The following ERGIC3 variants were observed in gnomAD, a reference collection of about 807,000 sequenced individuals.
ERGIC3 encodes the protein ERGIC and golgi 3, also known as endoplasmic reticulum-Golgi intermediate compartment protein 3.
ERGIC3 carries 33 observed loss-of-function variants against 54.7 expected under a neutral mutation model. The ratio of observed to expected loss-of-function variants is 0.60; its 90% confidence interval spans 0.46 to 0.81. The LOEUF is 0.81. Ranked by LOEUF, ERGIC3 falls within the 30% of genes least tolerant of loss-of-function variation. The probability of loss-of-function intolerance (pLI) is 0.00; values close to 1 mark genes in which losing one functional copy is unlikely to be tolerated. For synonymous variants in ERGIC3, 186 were observed against 189.8 expected (o/e 0.98, Z 0.16); for missense variants, 399 against 488.4 (o/e 0.82, Z 1.73).
chr20:35,545,685 G>A (rs1275076211), intron 4 of ERGIC3, among the ~76,000 whole-genome samples: 1 of 152,166 alleles, frequency 6.6e-6, no homozygotes, highest in African/African-American at 2.4e-5. Context: ...TTGTGGGAGA[G>A]GACTACATAA....
At chr20:35,544,602 C>T in intron 4 of ERGIC3, 1 of 264,160 alleles carries the variant, frequency 3.8e-6, no homozygotes, top group Non-Finnish European at 8.0e-6. Flanking sequence ...CGGGGCGAAA[C>T]CACACACCTC....
chr20:35,552,042 C>T (rs961838222), intron 7 of ERGIC3, among the ~76,000 whole-genome samples: 5 of 152,182 alleles, frequency 3.3e-5, no homozygotes, highest in East Asian at 1.9e-4. Flanking sequence ...GCTCCAGAGA[C>T]GAGACAGTGA....
In ERGIC3 at chr20:35,557,416, C is replaced by T. The variant is rs1378195635; in HGVS notation, c.1073-9C>T. 3.1e-6 allele frequency: 5 copies of T among 1,613,980 alleles called. No individual in the cohort carries two copies. The highest frequency in any genetic ancestry group is 1.7e-5 in the Admixed American group (1 of 60,024). On this transcript the variant is annotated splice_polypyrimidine_tract_variant and intron_variant, in intron 12 of 12. Coordinates refer to ENST00000348547, the MANE Select transcript of ERGIC3 (RefSeq NM_015966.3). Reference sequence around the variant, plus strand: ...ACTGGGCCAGTGCCAGCCCTTGTCTCTCTCCCAGTGGCTGGACTCATCGAT... The same window carrying T: ...ACTGGGCCAGTGCCAGCCCTTGTCTTTCTCCCAGTGGCTGGACTCATCGAT...
chr20:35,555,105 AG>A, intron 8 of ERGIC3, 30 bp downstream of exon 8: 1 of 596,660 alleles, frequency 1.7e-6, no homozygotes, highest in Non-Finnish European at 2.9e-6. Context: ...CATGGAGGGC[AG>A]GTGGGGGTGG....
chr20:35,545,602 A>G (rs995620849), intron 4 of ERGIC3, among the ~76,000 whole-genome samples: 4 of 152,160 alleles, frequency 2.6e-5, no homozygotes, highest in African/African-American at 7.2e-5. Context: ...AACCTTTTTT[A>G]TGACCCAGCC....
intron 4 of ERGIC3, chr20:35,543,224 T>C (rs1353901030): frequency 2.6e-6 from 1 of 389,098 alleles, no homozygotes; most frequent in African/African-American, 2.1e-5. Flanking sequence ...TCTTATGTGC[T>C]CTTGCCTTGG....
rs186201540 is a variant in ERGIC3, at chr20:35,553,662, G to A, written c.686-1382G>A. Among the ~76,000 whole-genome samples, 204 of 152,246 alleles carry A rather than the reference G, an allele frequency of 1.3e-3. 4 individuals are homozygous for A. The highest frequency in any genetic ancestry group is 0.013 in the Admixed American group (203 of 15,296). On this transcript the variant is annotated intron_variant, in intron 7 of 12. Transcript: ENST00000348547. Reference sequence around the variant, plus strand: ...ATCTGTGGGGGTGGGGCTGTGTTGGGGAGGGGCCAGTGTGGGGGCTGGAGG... The same window carrying A: ...ATCTGTGGGGGTGGGGCTGTGTTGGAGAGGGGCCAGTGTGGGGGCTGGAGG...
chr20:35,555,984 G>A, intron 8 of ERGIC3, 49 bp from the exon 9 acceptor site: 1 of 1,578,998 alleles, frequency 6.3e-7, no homozygotes, highest in Non-Finnish European at 8.7e-7. Context: ...GTCCCTGTCT[G>A]CTACTGTCAT....
chr20:35,542,727 G>A (rs1452155706), intron 3 of ERGIC3, 95 bp from the exon 4 acceptor site: 1 of 1,607,774 alleles, frequency 6.2e-7, no homozygotes, highest in African/African-American at 1.3e-5. Context: ...ATCCCGTTCT[G>A]CCCCAAGACA....
At chr20:35,546,213 A>G (rs189340551) in intron 4 of ERGIC3, among the ~76,000 whole-genome samples, 2 of 152,320 alleles carry the variant, frequency 1.3e-5, no homozygotes, top group African/African-American at 4.8e-5. Flanking sequence ...ACTGTTGAGG[A>G]TGAAAATCGG....
At chr20:35,556,635 C>T in intron 10 of ERGIC3, 1 of 494,724 alleles carries the variant, frequency 2.0e-6, no homozygotes, top group Non-Finnish European at 3.7e-6. Context: ...AGCAGAGTGG[C>T]AGGATGCGAG....
intron 7 of ERGIC3, among the ~76,000 whole-genome samples, chr20:35,552,469 T>C (rs2064686843): frequency 1.3e-5 from 2 of 152,046 alleles, no homozygotes; most frequent in African/African-American, 2.4e-5. Flanking sequence ...TGCAATTGCA[T>C]GGGGTTTGGT....
chr20:35,542,147 T>A lies in ERGIC3; in HGVS notation c.50T>A (p.Leu17Ter). The A allele has an allele frequency of 6.3e-7, 1 of 1,575,276 alleles. No individual in the cohort carries two copies. Among genetic ancestry groups the A allele is most frequent in the Non-Finnish European group, 8.6e-7 (1 of 1,160,456 alleles). Residue 17 changes from leucine (L) to a stop codon, truncating the protein, a stop_gained, in exon 1 of 13, where the codon TTG becomes TAG. Coordinates refer to ENST00000348547, the MANE Select transcript of ERGIC3 (RefSeq NM_015966.3). LOFTEE classifies it high-confidence loss of function. ...CAGTTCGATGCCTACCCCAAGACTT[T>A]GGAGGACTTCCGGGTCAAGACCTGC... ...LKQFDAYPKTLEDFRVKTCGG... is the reference protein window; with the variant it reads ...LKQFDAYPKT
intron 4 of ERGIC3, chr20:35,544,443 G>T (rs1263734959): frequency 3.2e-6 from 1 of 311,956 alleles, no homozygotes; most frequent in Non-Finnish European, 6.5e-6. Context: ...GTCTTTCTTG[G>T]CATCAGCTTT....
At chr20:35,544,848 G>A (rs1273630751) in intron 4 of ERGIC3, 2 of 115,518 alleles carry the variant, frequency 1.7e-5, no homozygotes, top group African/African-American at 6.8e-5. Flanking sequence ...TGTCACCCAG[G>A]CTGGAGTGCA....
chr20:35,554,973 G>A lies in ERGIC3; in HGVS notation c.686-71G>A, dbSNP rs781253479. ...AAGACAGGTGGTTTGCAGTCCAGGGGGAGGAAGGAGGAGGCCAGTGCTGCT... is the reference window on the plus strand; with the variant it reads ...AAGACAGGTGGTTTGCAGTCCAGGGAGAGGAAGGAGGAGGCCAGTGCTGCT... On this transcript the variant is annotated intron_variant, in intron 7 of 12. Transcript: ENST00000348547. 8.3e-6 allele frequency: 13 copies of A among 1,562,750 alleles called. No homozygotes were observed. The African/African-American group carries it at 9.5e-5, about 11-fold the overall frequency.
At chr20:35,548,709 T>A (rs757609562) in intron 6 of ERGIC3, 35 bp downstream of exon 6, 1 of 1,614,122 alleles carries the variant, frequency 6.2e-7, no homozygotes, top group East Asian at 2.2e-5. Context: ...TAGGGCCAGC[T>A]GGGCTGGGCA....
In ERGIC3 at chr20:35,547,519, G is replaced by C. The variant is rs761760973; in HGVS notation, c.461+14G>C. On this transcript the variant is annotated intron_variant, in intron 5 of 12. Coordinates refer to ENST00000348547, the MANE Select transcript of ERGIC3 (RefSeq NM_015966.3). ...AGAAGATATCAAGTGAGCTGGCGGGGAGCGGGAGCAGGGTTCCCATCAGGC... is the reference window on the plus strand; with the variant it reads ...AGAAGATATCAAGTGAGCTGGCGGGCAGCGGGAGCAGGGTTCCCATCAGGC... The C allele has an allele frequency of 1.9e-6, 3 of 1,612,058 alleles. No individual in the cohort carries two copies. The Admixed American group carries it at 5.0e-5, about 27-fold the overall frequency.
chr20:35,551,547 C>G (rs535892841), intron 7 of ERGIC3, among the ~76,000 whole-genome samples: 1 of 152,224 alleles, frequency 6.6e-6, no homozygotes, highest in African/African-American at 2.4e-5. Flanking sequence ...AGCTGTGGGA[C>G]TGGATGAAAT....
Sources: gnomAD v4.1 joint callset for allele counts (sites outside exome capture counted in the v4.1 genomes callset) on GRCh38, gnomAD v4.1.1 for gene constraint, MANE v1.5 for transcripts, NCBI Gene and HGNC (gene_info 2026-07-23, HGNC 2026-07-21) for gene names.